Variants in ADAMTS16 observed in about 807,000 individuals in gnomAD.
ADAMTS16 encodes A disintegrin and metalloproteinase with thrombospondin motifs 16.
A neutral mutation model predicts 145.8 loss-of-function variants in ADAMTS16; 94 were observed. The ratio of observed to expected loss-of-function variants is 0.64; its 90% CI spans 0.55 to 0.77. The LOEUF (loss-of-function observed/expected upper bound fraction) is 0.77. Among genes scored for constraint, ADAMTS16 ranks in the 30% least tolerant of loss-of-function variants. The pLI is 0.00. For synonymous variants in ADAMTS16, 659 were observed against 604.3 expected (o/e 1.09, Z -1.33); for missense variants, 1,585 against 1,591.5 (o/e 1.00, Z 0.07).
chr5:5,197,211 G>A (rs1229074981), intron 8 of ADAMTS16, among the ~76,000 whole-genome samples: 1 of 152,186 alleles, frequency 6.6e-6, no homozygotes, highest in East Asian at 1.9e-4. Context: ...AAGTGATACA[G>A]CCTCTACAAA....
rs147843271 is a variant in ADAMTS16, at chr5:5,235,686, C to T, written c.2023+500C>T. ...AAGTTTATTTGTGGCATGTATAAGA[C>T]TTTACTCCCCAGTGGGAAAGAAATA... On this transcript the variant is annotated intron_variant, in intron 13 of 22. Transcript: ENST00000274181. 2.0e-3 allele frequency among the ~76,000 whole-genome samples: 307 copies of T among 152,234 alleles called. 1 individual carries two copies. Among genetic ancestry groups the T allele is most frequent in the Non-Finnish European group, 3.7e-3 (249 of 68,028 alleles).
At chr5:5,278,649 G>A (rs1199502852) in intron 18 of ADAMTS16, among the ~76,000 whole-genome samples, 1 of 152,174 alleles carries the variant, frequency 6.6e-6, no homozygotes, top group Non-Finnish European at 1.5e-5. Context: ...TGTCTACTAT[G>A]TGTCAGGCCC....
chr5:5,233,408 G>T (rs181040777), intron 12 of ADAMTS16, among the ~76,000 whole-genome samples: 1 of 152,272 alleles, frequency 6.6e-6, no homozygotes, highest in East Asian at 1.9e-4. Context: ...TGTGTCACGG[G>T]TGTGTGTTGT....
In ADAMTS16 at chr5:5,272,586, C is replaced by T. The variant is rs531033306; in HGVS notation, c.2789+9803C>T. ...TTCACTGTGTTAGCCAGGATGGTCT[C>T]GATCTCCTGACCTGGTGATCCGCCT... On this transcript the variant is annotated intron_variant, in intron 18 of 22. Coordinates refer to ENST00000274181, the MANE Select transcript of ADAMTS16 (RefSeq NM_139056.4). Among the ~76,000 whole-genome samples, 900 of 152,040 alleles carry T rather than the reference C, an allele frequency of 5.9e-3. 2 individuals are homozygous for T. The highest frequency in any genetic ancestry group is 0.01 in the Non-Finnish European group (703 of 67,988).
chr5:5,146,563 C>A, intron 3 of ADAMTS16, 108 bp downstream of exon 3: 1 of 1,172,520 alleles, frequency 8.5e-7, no homozygotes, highest in Non-Finnish European at 1.2e-6. Flanking sequence ...TCTAGTACTG[C>A]AGCGCAGATT....
Position 5,269,841 on chromosome 5 carries a change from T to G in ADAMTS16, c.2789+7058T>G, listed in dbSNP as rs1579361674. On this transcript the variant is annotated intron_variant, in intron 18 of 22. Coordinates refer to ENST00000274181, the MANE Select transcript of ADAMTS16 (RefSeq NM_139056.4). This position sits in a 1 kb window ranked among gnomAD's most constrained non-coding sequence, Gnocchi z 4.3. The stretch of plus-strand genomic sequence containing the variant: ...ACACTTGACTCTCTCAAACACGGTT[T>G]AATACACACATGCTGTCAAGAGCAC... 6.6e-6 allele frequency among the ~76,000 whole-genome samples: 1 copy of G among 152,118 alleles called. No individual in the cohort carries two copies. The highest frequency in any genetic ancestry group is 1.9e-4 in the East Asian group (1 of 5,170).
intron 8 of ADAMTS16, among the ~76,000 whole-genome samples, chr5:5,199,747 A>G (rs1308092856): frequency 2.0e-5 from 3 of 152,206 alleles, no homozygotes; most frequent in Non-Finnish European, 4.4e-5. Flanking sequence ...CCTGGCATCT[A>G]CATTTCTAAC....
intron 18 of ADAMTS16, among the ~76,000 whole-genome samples, chr5:5,268,252 A>G (rs957510584): frequency 2.0e-5 from 3 of 152,184 alleles, no homozygotes; most frequent in Admixed American, 1.3e-4. Flanking sequence ...TCCTTAATAC[A>G]TCTAAACCAC....
intron 10 of ADAMTS16, among the ~76,000 whole-genome samples, chr5:5,213,417 T>C (rs1344649487): frequency 6.6e-6 from 1 of 152,224 alleles, no homozygotes. Context: ...TACCTTTGGC[T>C]TATTGTAAGT....
intron 17 of ADAMTS16, among the ~76,000 whole-genome samples, chr5:5,248,615 G>T (rs936100912): frequency 4.6e-5 from 7 of 152,158 alleles, no homozygotes; most frequent in Non-Finnish European, 8.8e-5. Flanking sequence ...TTGCTTCATG[G>T]ACGTGCCATT....
intron 11 of ADAMTS16, among the ~76,000 whole-genome samples, chr5:5,231,551 C>A (rs1389947140): frequency 6.6e-6 from 1 of 152,032 alleles, no homozygotes; most frequent in Non-Finnish European, 1.5e-5. Flanking sequence ...GGGGCCAGGA[C>A]AAGAGACAAA....
Position 5,318,190 on chromosome 5 carries a change from G to GGGCC in ADAMTS16, c.3477_3480dup (p.Ser1161GlyfsTer62), listed in dbSNP as rs1561009598. On this transcript the variant is annotated frameshift_variant, in exon 22 of 23. Transcript: ENST00000274181. LOFTEE classifies it high-confidence loss of function. ...CGAGGTCCGTGCAGTGCCTGGCTGG[G>GGGCC]GGCCGGCCGGCCTCAGGCTGCCTCC... The GGGCC allele has an allele frequency of 6.4e-7, 1 of 1,561,946 alleles. No homozygotes were observed. The highest frequency in any genetic ancestry group is 1.2e-5 in the South Asian group (1 of 84,058).
chr5:5,261,763 G>A (rs1371813118), intron 17 of ADAMTS16, among the ~76,000 whole-genome samples: 1 of 152,024 alleles, frequency 6.6e-6, no homozygotes, highest in Non-Finnish European at 1.5e-5. Context: ...CTTTTTTATT[G>A]TGGCAAAATA....
intron 8 of ADAMTS16, among the ~76,000 whole-genome samples, chr5:5,197,403 C>T (rs1461001299): frequency 6.6e-6 from 1 of 152,166 alleles, no homozygotes; most frequent in Non-Finnish European, 1.5e-5. Context: ...GTTAGTGTTA[C>T]AGCAGAAAAG....
chr5:5,233,665 C>T (rs1189216983), intron 12 of ADAMTS16, among the ~76,000 whole-genome samples: 1 of 152,196 alleles, frequency 6.6e-6, no homozygotes, highest in Non-Finnish European at 1.5e-5. Context: ...CTGCAAACAA[C>T]ATGATCTCTT....
chr5:5,235,078 A>T lies in ADAMTS16; in HGVS notation c.1915A>T (p.Lys639Ter). The T allele has an allele frequency of 6.2e-7, 1 of 1,606,282 alleles. No homozygotes were observed. Among genetic ancestry groups the T allele is most frequent in the Non-Finnish European group, 8.5e-7 (1 of 1,173,680 alleles). ...TRTLKLCNSQ[K>*]CPRDSVDFRA... is the part of the protein sequence containing the mutation. Reference sequence around the variant, plus strand: ...CACTCTGAAGCTCTGCAACAGTCAGAAATGTCCCCGGGACAGTGTTGACTT... The same window carrying T: ...CACTCTGAAGCTCTGCAACAGTCAGTAATGTCCCCGGGACAGTGTTGACTT... The change falls in exon 13 of 23, where the codon AAA (lysine) becomes TAA (stop). Residue 639 changes from lysine (K) to a stop codon, truncating the protein, a stop_gained. Transcript: ENST00000274181. LOFTEE classifies it high-confidence loss of function.
chr5:5,220,211 G>T (rs1016033217), intron 10 of ADAMTS16, among the ~76,000 whole-genome samples: 1 of 142,012 alleles, frequency 7.0e-6, no homozygotes, highest in African/African-American at 2.7e-5. Flanking sequence ...CCAGTCTAGA[G>T]TACAGTGGTG....
At chr5:5,194,095 C>T (rs554625874) in intron 8 of ADAMTS16, among the ~76,000 whole-genome samples, 20 of 151,690 alleles carry the variant, frequency 1.3e-4, no homozygotes, top group Middle Eastern at 6.8e-3. Context: ...GAATGAGACC[C>T]TGTATAAAAA....
chr5:5,299,418 A>G (rs7706767), intron 18 of ADAMTS16, among the ~76,000 whole-genome samples: 112,442 of 152,186 alleles, frequency 0.74, 41,962 homozygotes, highest in South Asian at 0.82. Context: ...TAATCTGCTG[A>G]TGTCGTGTGT....
Sources: gnomAD v4.1 joint callset for allele counts (sites outside exome capture counted in the v4.1 genomes callset) on GRCh38, gnomAD v4.1.1 for gene constraint, Gnocchi (gnomAD v3.1) non-coding constraint, MANE v1.5 for transcripts, NCBI Gene and HGNC (gene_info 2026-07-23, HGNC 2026-07-21) for gene names.